Variants in ROBO1 observed in about 807,000 individuals in gnomAD.
ROBO1 encodes the protein roundabout homolog 1.
ROBO1 carries 149 observed loss-of-function variants against 195.9 expected under a neutral mutation model. The ratio of observed to expected loss-of-function variants is 0.76; its 90% CI spans 0.67 to 0.87. The LOEUF (loss-of-function observed/expected upper bound fraction) is 0.87. Ranked by LOEUF, ROBO1 falls within the 40% of genes least tolerant of loss-of-function variation. ROBO1 has a pLI of 0.00. For missense variants in ROBO1, 1,933 were observed against 2,068.3 expected (o/e 0.93, Z 1.27); for synonymous variants, 816 against 733.2 (o/e 1.11, Z -1.82).
At chr3:78,955,542 C>A (rs1329148739) in intron 3 of ROBO1, among the ~76,000 whole-genome samples, 1 of 151,960 alleles carries the variant, frequency 6.6e-6, no homozygotes, top group Non-Finnish European at 1.5e-5. Context: ...TTTATGAGTT[C>A]TTTGTCTAAA....
At chr3:78,884,648 AAAGGAAGG>A (rs780597106) in intron 4 of ROBO1, among the ~76,000 whole-genome samples, 4,345 of 107,258 alleles carry the variant, frequency 0.041, 121 homozygotes, top group African/African-American at 0.068. Flanking sequence ...AGAAAGAAAG[AAAGGAAGG>A]AAGGAAGGAA....
intron 1 of ROBO1, among the ~76,000 whole-genome samples, chr3:79,633,961 G>C (rs1945423200): frequency 6.6e-6 from 1 of 151,906 alleles, no homozygotes; most frequent in Non-Finnish European, 1.5e-5. Context: ...AACTGATATA[G>C]AGAAAAAAAG....
intron 2 of ROBO1, among the ~76,000 whole-genome samples, chr3:79,290,469 T>C (rs1161184814): frequency 2.0e-5 from 3 of 152,150 alleles, no homozygotes; most frequent in East Asian, 1.9e-4. Flanking sequence ...TTAATCTCTA[T>C]AGTATTCTCT....
At chr3:79,025,224 C>T (rs2078181067) in intron 3 of ROBO1, among the ~76,000 whole-genome samples, 1 of 152,158 alleles carries the variant, frequency 6.6e-6, no homozygotes, top group Admixed American at 6.5e-5. Context: ...TGAACTCGCA[C>T]TCTCCCTTCT....
rs115766903 is a variant in ROBO1, at chr3:79,677,330, A to G, written c.-50-87369T>C. Among the ~76,000 whole-genome samples, 1,418 of 152,074 alleles carry G rather than the reference A, an allele frequency of 9.3e-3. 11 individuals are homozygous for G. The highest frequency in any genetic ancestry group is 0.034 in the Middle Eastern group (10 of 294). On this transcript the variant is annotated intron_variant, in intron 1 of 30. Transcript: ENST00000464233. ...TGCTGCTGATAAAGAGATAGCTGAG[A>G]CTGGGCAATTTACAAAAGAAAGAGG...
At chr3:79,558,535 A>C (rs1942794760) in intron 2 of ROBO1, among the ~76,000 whole-genome samples, 1 of 152,160 alleles carries the variant, frequency 6.6e-6, no homozygotes, top group Non-Finnish European at 1.5e-5. Context: ...ACAGTAATAC[A>C]CAGATTTTTT....
intron 2 of ROBO1, among the ~76,000 whole-genome samples, chr3:79,490,823 C>G (rs548572289): frequency 6.6e-6 from 1 of 152,072 alleles, no homozygotes; most frequent in Non-Finnish European, 1.5e-5. Flanking sequence ...ACCTCTTTAT[C>G]TGGGGATTTT....
At chr3:78,628,917 A>G (rs1238141740) in intron 25 of ROBO1, among the ~76,000 whole-genome samples, 1 of 151,844 alleles carries the variant, frequency 6.6e-6, no homozygotes, top group African/African-American at 2.4e-5. Context: ...TTGGTCTCCT[A>G]GCCTCCCAGT....
chr3:78,621,972 G>C (rs925119467), intron 26 of ROBO1, among the ~76,000 whole-genome samples: 1 of 152,048 alleles, frequency 6.6e-6, no homozygotes, highest in Non-Finnish European at 1.5e-5. Flanking sequence ...CAACTTATCT[G>C]TATTAATCAA....
chr3:79,389,077 C>G (rs916236374), intron 2 of ROBO1, among the ~76,000 whole-genome samples: 1 of 151,894 alleles, frequency 6.6e-6, no homozygotes, highest in Non-Finnish European at 1.5e-5. Flanking sequence ...CAAGTATACT[C>G]TAAAATTTGG....
chr3:79,245,217 A>G (rs1277621548), intron 2 of ROBO1, among the ~76,000 whole-genome samples: 5 of 152,124 alleles, frequency 3.3e-5, no homozygotes, highest in Admixed American at 6.6e-5. Flanking sequence ...TCTGGACAGA[A>G]TAAGATTTTT....
intron 2 of ROBO1, among the ~76,000 whole-genome samples, chr3:79,127,323 A>C (rs1231160892): frequency 6.6e-6 from 1 of 152,200 alleles, no homozygotes; most frequent in African/African-American, 2.4e-5. Context: ...ACCAAATATA[A>C]GAGGCTGTTG....
chr3:79,505,609 G>A (rs560262701), intron 2 of ROBO1, among the ~76,000 whole-genome samples: 2 of 152,258 alleles, frequency 1.3e-5, no homozygotes, highest in African/African-American at 4.8e-5. Flanking sequence ...TAATACCAGG[G>A]AAAGCTTACA....
At chr3:78,926,329 C>G (rs1252153639) in intron 4 of ROBO1, among the ~76,000 whole-genome samples, 1 of 152,076 alleles carries the variant, frequency 6.6e-6, no homozygotes, top group East Asian at 1.9e-4. Context: ...TTTGTACTTG[C>G]AAAAGAGTAT....
chr3:79,512,083 TAAAA>T (rs67525043), intron 2 of ROBO1, among the ~76,000 whole-genome samples: 33,661 of 151,880 alleles, frequency 0.22, 4,397 homozygotes, highest in African/African-American at 0.34. Context: ...CTTAATTTAA[TAAAA>T]AGAAAGAAAA....
At chr3:79,223,372 G>A (rs1193915738) in intron 2 of ROBO1, among the ~76,000 whole-genome samples, 1 of 152,070 alleles carries the variant, frequency 6.6e-6, no homozygotes, top group African/African-American at 2.4e-5. Flanking sequence ...TAACCCTGCA[G>A]ACATTGTTGA....
chr3:78,614,412 A>T (rs1559646965), intron 28 of ROBO1, among the ~76,000 whole-genome samples: 1 of 152,212 alleles, frequency 6.6e-6, no homozygotes. Flanking sequence ...TTTCAAAAAT[A>T]TTAAGGATCT....
chr3:78,975,941 A>G (rs910549954), intron 3 of ROBO1, among the ~76,000 whole-genome samples: 26 of 152,358 alleles, frequency 1.7e-4, no homozygotes, highest in African/African-American at 5.8e-4. Context: ...TTAAGGCAGC[A>G]TAAAGACCTT....
chr3:78,876,246 A>G (rs1363540248), intron 4 of ROBO1, among the ~76,000 whole-genome samples: 1 of 152,288 alleles, frequency 6.6e-6, no homozygotes. Context: ...ATTTTATAGC[A>G]TTCAAAATAG....
Sources: allele counts gnomAD v4.1 joint callset (sites outside exome capture counted in the v4.1 genomes callset), GRCh38; gene constraint gnomAD v4.1.1; transcripts MANE v1.5; gene names NCBI Gene and HGNC (gene_info 2026-07-23, HGNC 2026-07-21).